USP10: variants seen among roughly 807,000 people sequenced by gnomAD.
USP10 encodes ubiquitin specific peptidase 10.
Under a neutral mutation model 84.5 loss-of-function variants are expected in USP10, and 22 were observed. The ratio of observed to expected loss-of-function variants is 0.26; its 90% confidence interval spans 0.19 to 0.37. The LOEUF (loss-of-function observed/expected upper bound fraction) is 0.37, where lower values mean the gene tolerates loss of function less well. USP10 is among the 10% of genes least tolerant of loss of function. The probability of loss-of-function intolerance (pLI) is 1.00; values close to 1 mark genes in which losing one functional copy is unlikely to be tolerated. For synonymous variants in USP10, 454 were observed against 387.6 expected (o/e 1.17, Z -2.01); for missense variants, 1,019 against 998.9 (o/e 1.02, Z -0.27).
intron 10 of USP10, among the ~76,000 whole-genome samples, chr16:84,764,931 G>GAGAGAAAAAAAAAAAA (rs11373757): frequency 2.5e-5 from 1 of 39,256 alleles, no homozygotes; most frequent in South Asian, 1.4e-3. Context: ...GAGAGAGAGA[G>GAGAGAAAAAAAAAAAA]AAAAAAAAAT....
Position 84,700,128 on chromosome 16 carries a change from G to A in USP10, c.21+17G>A, listed in dbSNP as rs765566148. On this transcript the variant is annotated intron_variant, in intron 1 of 13. Transcript: ENST00000219473. ...AGCCCGCAGGTAGCCGCCGGTCTGC[G>A]CCTTCGGCCGGAAGGGGCCCGAGCC... 7.5e-7 allele frequency: 1 copy of A among 1,338,022 alleles called. No homozygotes were observed. Among genetic ancestry groups the A allele is most frequent in the Non-Finnish European group, 9.8e-7 (1 of 1,022,734 alleles). The allele number at this position is 1,338,022 out of a possible 1,614,324, so 82.9% of individuals were successfully genotyped here. A position where few individuals can be genotyped will look rare whatever the true frequency, so the allele number is the denominator to read the frequency against.
At chr16:84,758,670 C>A (rs751840375) in intron 4 of USP10, 46 bp from the exon 5 acceptor site, 23 of 1,307,050 alleles carry the variant, frequency 1.8e-5, no homozygotes, top group Middle Eastern at 1.8e-4. Context: ...GAATGTTCTT[C>A]ACTAGATGTC....
At chr16:84,708,405 C>G (rs1304292177) in intron 1 of USP10, among the ~76,000 whole-genome samples, 1 of 152,130 alleles carries the variant, frequency 6.6e-6, no homozygotes, top group Non-Finnish European at 1.5e-5. Flanking sequence ...GAGACAAGAT[C>G]ACGCCACTTC....
rs1229980124 is a variant in USP10, at chr16:84,700,253, G to A, written c.21+142G>A. On this transcript the variant is annotated intron_variant, in intron 1 of 13. Coordinates refer to ENST00000219473, the MANE Select transcript of USP10 (RefSeq NM_005153.3). ...GCTGGGACACGCTGCCCGGGCCTAG[G>A]CCGGAGCCACCCGCCGCCTCCGCGC... 6.0e-5 allele frequency: 41 copies of A among 687,594 alleles called. No homozygotes were observed. The East Asian group carries it at 2.8e-3, about 47-fold the overall frequency. The allele number at this position is 687,594 out of a possible 1,614,324, so 42.6% of individuals were successfully genotyped here. A position where few individuals can be genotyped will look rare whatever the true frequency, so the allele number is the denominator to read the frequency against.
At chr16:84,735,039 T>C (rs1003608043) in intron 2 of USP10, among the ~76,000 whole-genome samples, 1 of 152,160 alleles carries the variant, frequency 6.6e-6, no homozygotes, top group Admixed American at 6.5e-5. Context: ...TCTTTTCTTT[T>C]CTTTTTTTCG....
chr16:84,772,696 C>CAT lies in USP10; in HGVS notation c.2143+13_2143+14dup, dbSNP rs1463142082. On this transcript the variant is annotated intron_variant, in intron 12 of 13. Coordinates refer to ENST00000219473, the MANE Select transcript of USP10 (RefSeq NM_005153.3). ...TGGAAATTAGTAAAGGTAATGCATA[C>CAT]ATAAGGTCGGGAGTGTTCGTGGTGA... 10 of 1,613,718 alleles carry CAT rather than the reference C, an allele frequency of 6.2e-6. No homozygotes were observed. Among genetic ancestry groups the CAT allele is most frequent in the Non-Finnish European group, 8.5e-6 (10 of 1,179,812 alleles).
chr16:84,763,157 T>G, intron 9 of USP10, 69 bp downstream of exon 9: 1 of 906,480 alleles, frequency 1.1e-6, no homozygotes, highest in Non-Finnish European at 1.7e-6. Flanking sequence ...CATACTCATA[T>G]GTTATGTTGC....
chr16:84,749,719 A>C (rs1911680966), intron 4 of USP10, among the ~76,000 whole-genome samples: 1 of 152,206 alleles, frequency 6.6e-6, no homozygotes, highest in African/African-American at 2.4e-5. Context: ...TTTTTATGCC[A>C]TCAGAAGTGA....
intron 1 of USP10, among the ~76,000 whole-genome samples, chr16:84,701,269 G>A (rs917237320): frequency 2.0e-5 from 3 of 152,146 alleles, no homozygotes; most frequent in Non-Finnish European, 2.9e-5. Flanking sequence ...TAGATCTTAC[G>A]ACAAGCTTCA....
At chr16:84,777,222 C>G (rs1915114905) in intron 13 of USP10, among the ~76,000 whole-genome samples, 1 of 152,188 alleles carries the variant, frequency 6.6e-6, no homozygotes, top group Non-Finnish European at 1.5e-5. Flanking sequence ...CGGCTCAGCC[C>G]AGGGTAGTTA....
chr16:84,732,440 TCTTC>T, intron 1 of USP10: 2 of 407,654 alleles, frequency 4.9e-6, no homozygotes, highest in Non-Finnish European at 9.5e-6. Flanking sequence ...GACTTCTTCT[TCTTC>T]TTTTTTTTTT....
At chr16:84,725,228 A>C (rs1404139239) in intron 1 of USP10, among the ~76,000 whole-genome samples, 1 of 152,190 alleles carries the variant, frequency 6.6e-6, no homozygotes, top group African/African-American at 2.4e-5. Context: ...AGCCCTTGGC[A>C]ACCATGATCT....
chr16:84,714,738 A>G (rs371587667), intron 1 of USP10, among the ~76,000 whole-genome samples: 1 of 151,998 alleles, frequency 6.6e-6, no homozygotes, highest in African/African-American at 2.4e-5. Context: ...AAACTGGAAG[A>G]TGAACGTCCT....
rs10699847 is a variant in USP10, at chr16:84,720,576, A to ATTTTTTTTTTTTTTTTTTTTTTTT, written c.22-12836_22-12835insTTTTTTTTTTTTTTTTTTTTTTTT. Among the ~76,000 whole-genome samples, 50 of 88,354 alleles carry ATTTTTTTTTTTTTTTTTTTTTTTT rather than the reference A, an allele frequency of 5.7e-4. 5 individuals are homozygous for ATTTTTTTTTTTTTTTTTTTTTTTT. The highest frequency in any genetic ancestry group is 2.5e-3 in the East Asian group (5 of 2,034). 58.0% of individuals were successfully genotyped at this position (88,354 alleles called of 152,430 possible). A position where few individuals can be genotyped will look rare whatever the true frequency, so the allele number is the denominator to read the frequency against. Reference sequence around the variant, plus strand: ...ATGCAGAATAAAAAGATGATGCCCAATTTTTTTTTTTTTTTTTTTTTTTGA... The same window carrying ATTTTTTTTTTTTTTTTTTTTTTTT: ...ATGCAGAATAAAAAGATGATGCCCAATTTTTTTTTTTTTTTTTTTTTTTTTTTTTTTTTTTTTTTTTTTTTTTGA... On this transcript the variant is annotated intron_variant, in intron 1 of 13. Transcript: ENST00000219473.
chr16:84,743,568 C>T (rs1327690519), intron 3 of USP10, among the ~76,000 whole-genome samples: 2 of 152,036 alleles, frequency 1.3e-5, no homozygotes, highest in Admixed American at 1.3e-4. Flanking sequence ...AAAAAATTGG[C>T]CCCTTAATGC....
rs981619323 is a variant in USP10 at position 84,744,977 on chromosome 16, G to A, written c.496G>A (p.Gly166Ser). ...TGGATATTACAGCTATTTGAAAGAT[G>A]GTGGCGATGATAGTATCTCCACAGA... ...PPGYYSYLKDGGDDSISTEAL... is the reference protein window; with the variant it reads ...PPGYYSYLKDSGDDSISTEAL... Residue 166 changes from glycine to serine, a missense_variant, in exon 4 of 14, where the codon GGT (glycine) becomes AGT (serine). By Grantham distance (56) the Gly-to-Ser change is moderately conservative. Transcript: ENST00000219473. 6.2e-7 allele frequency: 1 copy of A among 1,613,822 alleles called. No homozygotes were observed. Among genetic ancestry groups the A allele is most frequent in the Non-Finnish European group, 8.5e-7 (1 of 1,179,726 alleles).
intron 4 of USP10, among the ~76,000 whole-genome samples, chr16:84,747,580 T>TTG (rs1491047479): frequency 7.7e-6 from 1 of 130,042 alleles, no homozygotes; most frequent in African/African-American, 3.2e-5. Context: ...TTTTTTTTTT[T>TTG]GAGATGCAGT....
At chr16:84,717,533 A>C (rs923952572) in intron 1 of USP10, among the ~76,000 whole-genome samples, 19 of 152,158 alleles carry the variant, frequency 1.2e-4, no homozygotes, top group African/African-American at 4.3e-4. Context: ...GTGTCGATTT[A>C]GCTTGGTGAC....
At chr16:84,760,013 T>A in intron 7 of USP10, 67 bp downstream of exon 7, 1 of 1,589,004 alleles carries the variant, frequency 6.3e-7, no homozygotes, top group Non-Finnish European at 8.6e-7. Context: ...TGACTTAAAT[T>A]TGGTAAATTC....
Sources: gnomAD v4.1 joint callset for allele counts (sites outside exome capture counted in the v4.1 genomes callset) on GRCh38, gnomAD v4.1.1 for gene constraint, MANE v1.5 for transcripts, NCBI Gene and HGNC (gene_info 2026-07-23, HGNC 2026-07-21) for gene names.